LARGE1: variants seen among roughly 807,000 people sequenced by gnomAD.
LARGE1 encodes xylosyl- and glucuronyltransferase LARGE1.
In LARGE1, 43 loss-of-function variants were observed where a neutral mutation model predicts 87.6. That is an observed-to-expected ratio of 0.49 (90% CI 0.38 to 0.63). LARGE1 has a LOEUF of 0.63. Ranked by LOEUF, LARGE1 falls within the 30% of genes least tolerant of loss-of-function variation. LARGE1 has a pLI of 0.00. For synonymous variants in LARGE1, 434 were observed against 394.6 expected, an observed-to-expected ratio of 1.10 and a Z score of -1.18; for missense variants, 802 against 1,000.2, an observed-to-expected ratio of 0.80 and a Z score of 2.67.
At chr22:33,091,536 G>A in the LARGE1 span, among the ~76,000 whole-genome samples, 2 of 147,642 alleles carry the variant, frequency 1.4e-5, no homozygotes, top group African/African-American at 2.5e-5. Context: ...CTCCAGCCTG[G>A]GTGACAAAGC....
At chr22:33,865,832 CTTTTTTTTTTTTTTTTTTT>C (rs3072359) in intron 1 of LARGE1, among the ~76,000 whole-genome samples, 11 of 28,364 alleles carry the variant, frequency 3.9e-4, no homozygotes, top group Non-Finnish European at 6.9e-4. Flanking sequence ...AGCTGTTATT[CTTTTTTTTTTTTTTTTTTT>C]TTTTTTTTTT....
intron 4 of LARGE1, among the ~76,000 whole-genome samples, chr22:33,618,195 A>C (rs1303687012): frequency 6.6e-6 from 1 of 152,198 alleles, no homozygotes; most frequent in Non-Finnish European, 1.5e-5. Flanking sequence ...TTCATTTGAG[A>C]GTGGCCAAGT....
intron 11 of LARGE1, among the ~76,000 whole-genome samples, chr22:33,267,107 G>T (rs1007044507): frequency 7.9e-5 from 12 of 151,630 alleles, no homozygotes; most frequent in South Asian, 2.1e-4. Flanking sequence ...GGGTGTGGTG[G>T]CGTTCGCCTG....
intron 11 of LARGE1, among the ~76,000 whole-genome samples, chr22:33,222,220 G>A (rs899306055): frequency 6.6e-6 from 1 of 152,198 alleles, no homozygotes; most frequent in African/African-American, 2.4e-5. Flanking sequence ...GGTCACCACT[G>A]CGTAGGACCT....
the LARGE1 span, among the ~76,000 whole-genome samples, chr22:33,129,338 G>A: frequency 6.6e-6 from 1 of 152,110 alleles, no homozygotes; most frequent in South Asian, 2.1e-4. Flanking sequence ...TTACATGCAT[G>A]TATACTCTGA....
chr22:33,457,284 C>T (rs367563546), intron 6 of LARGE1, among the ~76,000 whole-genome samples: 27 of 146,610 alleles, frequency 1.8e-4, no homozygotes, highest in African/African-American at 3.3e-4. Flanking sequence ...CCTGCCACCA[C>T]GCCTGGCTCT....
intron 1 of LARGE1, among the ~76,000 whole-genome samples, chr22:33,828,355 C>A (rs559949576): frequency 9.2e-5 from 14 of 152,300 alleles, no homozygotes; most frequent in African/African-American, 2.4e-4. Flanking sequence ...GGAAGGCAGA[C>A]AGAAAGGCTT....
At chr22:33,572,757 C>A (rs1195127389) in intron 5 of LARGE1, among the ~76,000 whole-genome samples, 1 of 152,086 alleles carries the variant, frequency 6.6e-6, no homozygotes, top group African/African-American at 2.4e-5. Flanking sequence ...GTAATCCCAG[C>A]TACTTGGGAG....
intron 4 of LARGE1, among the ~76,000 whole-genome samples, chr22:33,616,058 G>A (rs765043096): frequency 4.6e-5 from 7 of 152,150 alleles, no homozygotes; most frequent in South Asian, 4.1e-4. Context: ...AATGGTTACC[G>A]GTGGAACTGT....
intron 6 of LARGE1, among the ~76,000 whole-genome samples, chr22:33,456,410 A>G (rs1455513951): frequency 6.6e-6 from 1 of 152,150 alleles, no homozygotes; most frequent in Non-Finnish European, 1.5e-5. Context: ...AGACAGGCCA[A>G]TTTTGGACAT....
intron 3 of LARGE1, among the ~76,000 whole-genome samples, chr22:33,632,327 T>C (rs1044384245): frequency 6.6e-6 from 1 of 152,186 alleles, no homozygotes; most frequent in African/African-American, 2.4e-5. Context: ...TTTGGCCACG[T>C]TGCCCAAGCT....
At chr22:33,851,983 T>C (rs1047589695) in intron 1 of LARGE1, among the ~76,000 whole-genome samples, 6 of 152,196 alleles carry the variant, frequency 3.9e-5, no homozygotes, top group African/African-American at 1.4e-4. Context: ...TGTTTTTGTC[T>C]TGTTCTATTA....
At chr22:33,877,369 A>G (rs1474863342) in intron 1 of LARGE1, among the ~76,000 whole-genome samples, 1 of 152,142 alleles carries the variant, frequency 6.6e-6, no homozygotes, top group Non-Finnish European at 1.5e-5. Flanking sequence ...GAAAGCCCCA[A>G]GTATCCTCCA....
intron 6 of LARGE1, among the ~76,000 whole-genome samples, chr22:33,471,348 C>G (rs574618845): frequency 1.3e-5 from 2 of 151,664 alleles, no homozygotes; most frequent in East Asian, 1.9e-4. Flanking sequence ...TCAGCCCAGT[C>G]TTTCTTCTAA....
intron 6 of LARGE1, among the ~76,000 whole-genome samples, chr22:33,529,682 T>C (rs1047559147): frequency 1.1e-4 from 16 of 152,214 alleles, no homozygotes; most frequent in African/African-American, 3.1e-4. Context: ...CTGGAACAGA[T>C]AGCATCTCTG....
At chr22:33,712,638 GTGTGTGTGT>G (rs2082768236) in intron 2 of LARGE1, among the ~76,000 whole-genome samples, 1 of 5,132 alleles carries the variant, frequency 1.9e-4, no homozygotes, top group African/African-American at 2.0e-3. Context: ...GAGGGGTACA[GTGTGTGTGT>G]GTGTGTGTGT....
At chr22:33,686,703 C>T (rs2081955656) in intron 2 of LARGE1, among the ~76,000 whole-genome samples, 1 of 152,168 alleles carries the variant, frequency 6.6e-6, no homozygotes, top group South Asian at 2.1e-4. Context: ...CTATGGCGCC[C>T]TTCTCTTCCT....
Position 33,632,902 on chromosome 22 carries a change from G to C in LARGE1, c.409-6576C>G, listed in dbSNP as rs184712996. Among the ~76,000 whole-genome samples, 16 of 152,256 alleles carry C rather than the reference G, an allele frequency of 1.1e-4. No individual in the cohort carries two copies. In the East Asian group the frequency reaches 2.9e-3, roughly 28 times the overall value. On this transcript the variant is annotated intron_variant, in intron 3 of 14. Coordinates refer to ENST00000397394, the MANE Select transcript of LARGE1 (RefSeq NM_133642.5). Reference sequence around the variant, plus strand: ...AATGAACCATAAAAGCTCTTTCTAAGGCAATGCTAAGGCTTCCACTAATTT... The same window carrying C: ...AATGAACCATAAAAGCTCTTTCTAACGCAATGCTAAGGCTTCCACTAATTT...
intron 6 of LARGE1, among the ~76,000 whole-genome samples, chr22:33,525,206 G>A (rs2071823665): frequency 6.6e-6 from 1 of 152,096 alleles, no homozygotes; most frequent in Non-Finnish European, 1.5e-5. Context: ...AGGGTCCCTT[G>A]ACCTTCTGAC....
Sources: allele counts gnomAD v4.1 joint callset (sites outside exome capture counted in the v4.1 genomes callset), GRCh38; gene constraint gnomAD v4.1.1; transcripts MANE v1.5; gene names NCBI Gene and HGNC (gene_info 2026-07-23, HGNC 2026-07-21).